SEM1: variants seen among roughly 807,000 people sequenced by gnomAD.
The protein encoded by SEM1 is SEM1 26S proteasome subunit.
A neutral mutation model predicts 12.7 loss-of-function variants in SEM1; 3 were observed. The ratio of observed to expected loss-of-function variants is 0.24; its 90% CI spans 0.11 to 0.61. SEM1 has a LOEUF of 0.61. Ranked by LOEUF, SEM1 falls within the 20% of genes least tolerant of loss-of-function variation. The probability of loss-of-function intolerance (pLI) is 0.88; values close to 1 mark genes in which losing one functional copy is unlikely to be tolerated. For missense variants in SEM1, 59 were observed against 81.3 expected, an observed-to-expected ratio of 0.73 and a Z score of 1.06; for synonymous variants, 30 against 27.8, an observed-to-expected ratio of 1.08 and a Z score of -0.25.
chr7:96,642,652 TCA>T (rs1294375821), intron 2 of SEM1, among the ~76,000 whole-genome samples: 1 of 152,056 alleles, frequency 6.6e-6, no homozygotes, highest in African/African-American at 2.4e-5. Flanking sequence ...TAATTATTTC[TCA>T]TCAGATTCAT....
intron 2 of SEM1, among the ~76,000 whole-genome samples, chr7:96,585,336 A>T (rs997547542): frequency 2.6e-5 from 4 of 152,198 alleles, no homozygotes; most frequent in African/African-American, 9.6e-5. Flanking sequence ...CTCAGATCCC[A>T]GCTTCGTGCT....
At chr7:96,558,650 G>A (rs1030013518) in intron 2 of SEM1, among the ~76,000 whole-genome samples, 1 of 152,148 alleles carries the variant, frequency 6.6e-6, no homozygotes, top group Non-Finnish European at 1.5e-5. Flanking sequence ...GAATAAATAT[G>A]AAGTGAAAAG....
At chr7:96,695,731 C>T (rs1790075011) in intron 1 of SEM1, 1 of 151,878 alleles carries the variant, frequency 6.6e-6, no homozygotes, top group Non-Finnish European at 1.5e-5. Context: ...CACAACAGAA[C>T]TGTTTCAAGG....
chr7:96,612,602 T>C (rs1807572671), intron 2 of SEM1, among the ~76,000 whole-genome samples: 1 of 152,102 alleles, frequency 6.6e-6, no homozygotes, highest in South Asian at 2.1e-4. Flanking sequence ...GTGGTGAGAA[T>C]ATAGTTGTTT....
chr7:96,541,504 T>C (rs1804954625), intron 2 of SEM1, among the ~76,000 whole-genome samples: 1 of 150,712 alleles, frequency 6.6e-6, no homozygotes, highest in African/African-American at 2.4e-5. Context: ...ATTAGACCTT[T>C]GTTGGATGTA....
chr7:96,484,084 T>TTGTTGTGA, intron 3 of SEM1: 1 of 1,149,134 alleles, frequency 8.7e-7, no homozygotes, highest in Non-Finnish European at 1.2e-6. Flanking sequence ...CCCTATAGGG[T>TTGTTGTGA]AGATCCAATC....
At chr7:96,696,038 C>T (rs1790084275) in intron 1 of SEM1, 1 of 151,802 alleles carries the variant, frequency 6.6e-6, no homozygotes, top group African/African-American at 2.4e-5. Flanking sequence ...TAAGTGATGT[C>T]TTCAAGTTGA....
At chr7:96,520,568 C>T (rs1029925464) in intron 2 of SEM1, among the ~76,000 whole-genome samples, 1 of 152,136 alleles carries the variant, frequency 6.6e-6, no homozygotes, top group African/African-American at 2.4e-5. Flanking sequence ...GTGGGTTACT[C>T]TCTAGTCTCT....
intron 2 of SEM1, among the ~76,000 whole-genome samples, chr7:96,559,444 G>T (rs1052060233): frequency 6.6e-6 from 1 of 152,006 alleles, no homozygotes; most frequent in Non-Finnish European, 1.5e-5. Flanking sequence ...ACCACACCTG[G>T]CTAATTTTTT....
intron 1 of SEM1, among the ~76,000 whole-genome samples, chr7:96,490,229 C>G (rs1460196855): frequency 6.6e-6 from 1 of 152,164 alleles, no homozygotes; most frequent in Non-Finnish European, 1.5e-5. Flanking sequence ...TTGTTATAAA[C>G]TATCTGCAGA....
chr7:96,656,985 A>C (rs2116491629), intron 2 of SEM1, among the ~76,000 whole-genome samples: 1 of 152,204 alleles, frequency 6.6e-6, no homozygotes, highest in African/African-American at 2.4e-5. Context: ...CTATAGTATA[A>C]AATTGTGATT....
chr7:96,686,677 T>C (rs942415611), downstream of SEM1, among the ~76,000 whole-genome samples: 4 of 152,086 alleles, frequency 2.6e-5, no homozygotes, highest in Admixed American at 6.6e-5. Context: ...CCTAAAACCA[T>C]AAAAACCCTA....
At chr7:96,636,709 A>G (rs183490054) in intron 2 of SEM1, among the ~76,000 whole-genome samples, 13 of 152,128 alleles carry the variant, frequency 8.5e-5, no homozygotes, top group African/African-American at 2.2e-4. Flanking sequence ...TCTGAGTCCA[A>G]TTAGGGAAGG....
intron 2 of SEM1, among the ~76,000 whole-genome samples, chr7:96,534,221 G>A (rs1198599274): frequency 6.6e-6 from 1 of 151,986 alleles, no homozygotes; most frequent in African/African-American, 2.4e-5. Flanking sequence ...GAGAGTATTT[G>A]TTGCCAACAA....
intron 2 of SEM1, among the ~76,000 whole-genome samples, chr7:96,522,305 A>G (rs569761501): frequency 6.6e-6 from 1 of 152,236 alleles, no homozygotes; most frequent in East Asian, 1.9e-4. Flanking sequence ...AGGAATTAAA[A>G]TATCAGTCAC....
chr7:96,538,531 C>T (rs1804857373), intron 2 of SEM1, among the ~76,000 whole-genome samples: 2 of 151,748 alleles, frequency 1.3e-5, no homozygotes, highest in African/African-American at 4.8e-5. Flanking sequence ...GTTTTTTCCC[C>T]ATTTGACTTG....
intron 2 of SEM1, among the ~76,000 whole-genome samples, chr7:96,642,123 A>G (rs1808632468): frequency 6.6e-6 from 1 of 152,086 alleles, no homozygotes; most frequent in African/African-American, 2.4e-5. Context: ...CCATAGCTCA[A>G]CAGGAGTAGT....
intron 2 of SEM1, among the ~76,000 whole-genome samples, chr7:96,611,503 G>A (rs1807538496): frequency 6.6e-6 from 1 of 152,154 alleles, no homozygotes; most frequent in South Asian, 2.1e-4. Flanking sequence ...CAGAAGTTTT[G>A]CTTAGAGTGA....
At chr7:96,599,158 G>A (rs1807108575) in intron 2 of SEM1, among the ~76,000 whole-genome samples, 1 of 152,092 alleles carries the variant, frequency 6.6e-6, no homozygotes. Flanking sequence ...CACAATGGAA[G>A]GTTTAGGGCT....
Sources: gnomAD v4.1 joint callset for allele counts (sites outside exome capture counted in the v4.1 genomes callset) on GRCh38, gnomAD v4.1.1 for gene constraint, MANE v1.5 for transcripts, NCBI Gene and HGNC (gene_info 2026-07-23, HGNC 2026-07-21) for gene names.